ZBTB8A: variants seen among roughly 807,000 people sequenced by gnomAD.
ZBTB8A encodes the protein zinc finger and BTB domain-containing protein 8A.
A neutral mutation model predicts 37.8 loss-of-function variants in ZBTB8A; 19 were observed. The ratio of observed to expected loss-of-function variants is 0.50; its 90% CI spans 0.35 to 0.74. ZBTB8A has a LOEUF of 0.74. ZBTB8A is among the 30% of genes least tolerant of loss of function. ZBTB8A has a pLI of 0.01. For missense variants in ZBTB8A, 394 were observed against 537.8 expected (o/e 0.73, Z 2.65); for synonymous variants, 181 against 185.2 (o/e 0.98, Z 0.19).
chr1:32,579,450 CA>C (rs112657461), intron 2 of ZBTB8A, among the ~76,000 whole-genome samples: 20,210 of 115,306 alleles, frequency 0.18, 1,457 homozygotes, highest in African/African-American at 0.28. Flanking sequence ...GATTCCATCT[CA>C]AAAAAAAAAA....
At chr1:32,571,605 TGC>T (rs1644323058) in intron 2 of ZBTB8A, among the ~76,000 whole-genome samples, 1 of 151,826 alleles carries the variant, frequency 6.6e-6, no homozygotes, top group Non-Finnish European at 1.5e-5. Flanking sequence ...GACAACGTCT[TGC>T]TCTGTCACCC....
chr1:32,598,721 A>G (rs1317364018), intron 4 of ZBTB8A, among the ~76,000 whole-genome samples: 1 of 152,194 alleles, frequency 6.6e-6, no homozygotes, highest in Non-Finnish European at 1.5e-5. Context: ...TATAATACGT[A>G]ATTATTCCTC....
At chr1:32,560,010 G>A (rs1644231529) in intron 2 of ZBTB8A, among the ~76,000 whole-genome samples, 1 of 152,122 alleles carries the variant, frequency 6.6e-6, no homozygotes, top group South Asian at 2.1e-4. Context: ...AGGAAGCATA[G>A]TAGCTTCTGC....
chr1:32,569,278 G>A (rs1269698835), intron 2 of ZBTB8A, among the ~76,000 whole-genome samples: 1 of 151,650 alleles, frequency 6.6e-6, no homozygotes, highest in Non-Finnish European at 1.5e-5. Flanking sequence ...TTTGCCCGTG[G>A]GTTTTTTGTC....
chr1:32,553,701 A>T (rs1406392607), intron 2 of ZBTB8A, among the ~76,000 whole-genome samples, 161 bp downstream of exon 2: 1 of 151,572 alleles, frequency 6.6e-6, no homozygotes, highest in Non-Finnish European at 1.5e-5. Context: ...AACCTGACCA[A>T]GATGGAGAAA....
chr1:32,546,809 G>A (rs549396273), intron 1 of ZBTB8A, among the ~76,000 whole-genome samples: 2 of 152,342 alleles, frequency 1.3e-5, no homozygotes, highest in African/African-American at 2.4e-5. Flanking sequence ...CATAGCGGAT[G>A]CCTTATATCA....
At position 32,576,552 on chromosome 1, in the gene ZBTB8A, C is replaced by A. The variant is rs916131170; in HGVS notation, c.-1-16379C>A. 4.0e-4 allele frequency among the ~76,000 whole-genome samples: 61 copies of A among 152,278 alleles called. 1 individual carries two copies. The highest frequency in any genetic ancestry group is 4.4e-5 in the Non-Finnish European group (3 of 68,016). ...CAAGCGATTCTTCTGCCTCAGCCTCCTGAGTAGCTGGAACTACAGGTGCCC... is the reference window on the plus strand; with the variant it reads ...CAAGCGATTCTTCTGCCTCAGCCTCATGAGTAGCTGGAACTACAGGTGCCC... On this transcript the variant is annotated intron_variant, in intron 2 of 4. Coordinates refer to ENST00000373510, the MANE Select transcript of ZBTB8A (RefSeq NM_001040441.3).
At chr1:32,586,029 G>A (rs893846213) in intron 2 of ZBTB8A, among the ~76,000 whole-genome samples, 6 of 143,534 alleles carry the variant, frequency 4.2e-5, no homozygotes, top group African/African-American at 1.6e-4. Flanking sequence ...AAAAAAGAAC[G>A]ATTTCTGGCC....
intron 2 of ZBTB8A, among the ~76,000 whole-genome samples, chr1:32,577,415 G>T (rs1337071734): frequency 1.3e-5 from 2 of 150,904 alleles, no homozygotes; most frequent in Non-Finnish European, 2.9e-5. Context: ...CTTCCAAAGT[G>T]CTGGGATTAC....
intron 1 of ZBTB8A, among the ~76,000 whole-genome samples, chr1:32,548,731 TA>T (rs1232812039): frequency 6.6e-6 from 1 of 152,106 alleles, no homozygotes; most frequent in African/African-American, 2.4e-5. Flanking sequence ...TTTAGATAAT[TA>T]ATAATAATAA....
At chr1:32,572,981 A>G (rs889785454) in intron 2 of ZBTB8A, among the ~76,000 whole-genome samples, 2 of 145,858 alleles carry the variant, frequency 1.4e-5, no homozygotes, top group Admixed American at 1.4e-4. Context: ...ATTTTTCTCT[A>G]TCATTTCTTT....
intron 2 of ZBTB8A, among the ~76,000 whole-genome samples, chr1:32,580,602 G>T (rs1055215655): frequency 1.3e-5 from 2 of 151,964 alleles, no homozygotes; most frequent in Admixed American, 6.6e-5. Flanking sequence ...GGGGAAAAGG[G>T]CACTGTCCTA....
Position 32,590,689 on chromosome 1 carries a change from A to G in ZBTB8A, c.-1-2242A>G, listed in dbSNP as rs572352944. ...AGTTTTCACCTATCTTGCTGGAACC[A>G]GAAATTTTTCTCCTCACTCTACCTG... On this transcript the variant is annotated intron_variant, in intron 2 of 4. Coordinates refer to ENST00000373510, the MANE Select transcript of ZBTB8A (RefSeq NM_001040441.3). Among the ~76,000 whole-genome samples the G allele has an allele frequency of 2.6e-5, 4 of 152,276 alleles. No individual in the cohort carries two copies. In the East Asian group the frequency reaches 7.7e-4, roughly 29 times the overall value.
chr1:32,548,180 G>A (rs972810872), intron 1 of ZBTB8A, among the ~76,000 whole-genome samples: 1 of 150,332 alleles, frequency 6.7e-6, no homozygotes, highest in African/African-American at 2.5e-5. Flanking sequence ...CCTTCCTTAA[G>A]GTGAGGTCTG....
intron 1 of ZBTB8A, among the ~76,000 whole-genome samples, chr1:32,542,814 A>G (rs989218879): frequency 4.6e-5 from 7 of 152,206 alleles, no homozygotes; most frequent in Admixed American, 1.3e-4. Context: ...ACTCTTACAG[A>G]TATTTAAAAT....
At chr1:32,575,282 A>T (rs1644351591) in intron 2 of ZBTB8A, among the ~76,000 whole-genome samples, 1 of 130,326 alleles carries the variant, frequency 7.7e-6, no homozygotes, top group South Asian at 2.3e-4. Flanking sequence ...GCTGGAGTGC[A>T]GTGGCACAAT....
chr1:32,594,955 T>C (rs1644518596), intron 3 of ZBTB8A, 99 bp from the exon 4 acceptor site: 1 of 1,183,824 alleles, frequency 8.4e-7, no homozygotes, highest in Non-Finnish European at 1.1e-6. Context: ...TAAGTTTATT[T>C]TTTTCTTTCC....
chr1:32,593,454 A>C lies in ZBTB8A; in HGVS notation c.523A>C (p.Ile175Leu). The change falls in exon 3 of 5, where the codon ATA (isoleucine) becomes CTA (leucine). Residue 175 changes from isoleucine (I) to leucine (L), a missense_variant. Physicochemically the swap from Ile to Leu is conservative, Grantham distance 5 (BLOSUM62 2). Coordinates refer to ENST00000373510, the MANE Select transcript of ZBTB8A (RefSeq NM_001040441.3). ...AAGCCCAGAGCAAGGAACAGGTATA[A>C]TAAGTGGAAAATCTTGGAATAAGTA... is the stretch of plus-strand genomic sequence containing the variant. ...HLSPEQGTGI[I>L]SGKSWNKYNY... The C allele has an allele frequency of 6.2e-7, 1 of 1,614,012 alleles. No homozygotes were observed. Among genetic ancestry groups the C allele is most frequent in the Non-Finnish European group, 8.5e-7 (1 of 1,180,040 alleles).
chr1:32,567,560 C>T lies in ZBTB8A; in HGVS notation c.-2+14020C>T, dbSNP rs574116321. On this transcript the variant is annotated intron_variant, in intron 2 of 4. Coordinates refer to ENST00000373510, the MANE Select transcript of ZBTB8A (RefSeq NM_001040441.3). ...CTGTAATCCCAGCACTTTGGGAGGCCGAGGCAGGCAGATCACAAGGTCAGG... is the reference window on the plus strand; with the variant it reads ...CTGTAATCCCAGCACTTTGGGAGGCTGAGGCAGGCAGATCACAAGGTCAGG... 1.1e-4 allele frequency among the ~76,000 whole-genome samples: 16 copies of T among 151,630 alleles called. No homozygotes were observed. The East Asian group carries it at 3.1e-3, about 29-fold the overall frequency.
Sources: allele counts gnomAD v4.1 joint callset (sites outside exome capture counted in the v4.1 genomes callset), GRCh38; gene constraint gnomAD v4.1.1; transcripts MANE v1.5; gene names NCBI Gene and HGNC (gene_info 2026-07-23, HGNC 2026-07-21).